The following SCAF11 variants were observed in gnomAD, a reference collection of about 807,000 sequenced individuals.
The protein encoded by SCAF11 is SR-related CTD associated factor 11, also known as protein SCAF11.
A neutral mutation model predicts 140.5 loss-of-function variants in SCAF11; 47 were observed. That is an observed-to-expected ratio of 0.33 (90% CI 0.26 to 0.43). The LOEUF is 0.43. Among genes scored for constraint, SCAF11 ranks in the 20% least tolerant of loss-of-function variants. The pLI is 1.00. For missense variants in SCAF11, 1,645 were observed against 1,705.1 expected (o/e 0.96, Z 0.62); for synonymous variants, 557 against 579.4 (o/e 0.96, Z 0.55).
In SCAF11 at chr12:45,934,465, T is replaced by G; in HGVS notation, c.504A>C (p.Ala168=). 6.3e-7 allele frequency: 1 copy of G among 1,595,542 alleles called. No individual in the cohort carries two copies. The highest frequency in any genetic ancestry group is 1.2e-5 in the South Asian group (1 of 85,990). ...AACAAACCTTATTTATCTTTATTGC[T>G]GCATTTTTCTTTCCTCCTGTTTCAC... The part of the protein sequence containing the change: ...LYSETGGKKN[A]AIKINKPQRS... The change falls in exon 7 of 15, where the codon GCA becomes GCC. Residue 168 remains alanine (A), a synonymous_variant. Transcript: ENST00000369367.
intron 1 of SCAF11, chr12:45,974,086 C>A: frequency 2.4e-6 from 1 of 412,420 alleles, no homozygotes; most frequent in Non-Finnish European, 5.1e-6. Context: ...GCAAGTCACA[C>A]AAAATTTTTG....
At chr12:45,969,917 A>AGACG (rs1946034782) in intron 1 of SCAF11, among the ~76,000 whole-genome samples, 1 of 152,130 alleles carries the variant, frequency 6.6e-6, no homozygotes, top group African/African-American at 2.4e-5. Flanking sequence ...TTTTTTCTTA[A>AGACG]GACGGAGTCT....
At chr12:45,949,679 G>A (rs982231604) in intron 4 of SCAF11, among the ~76,000 whole-genome samples, 1 of 152,120 alleles carries the variant, frequency 6.6e-6, no homozygotes, top group South Asian at 2.1e-4. Context: ...GACTAGGGCT[G>A]TGATTCCATT....
chr12:45,928,893 AAT>A (rs1565662544), intron 10 of SCAF11, 34 bp from the exon 11 acceptor site: 1 of 1,260,284 alleles, frequency 7.9e-7, no homozygotes, highest in East Asian at 2.8e-5. Context: ...AAAAGTAAAA[AAT>A]ATGTTTTAAG....
At chr12:45,960,006 G>A (rs1565681292) in intron 3 of SCAF11, among the ~76,000 whole-genome samples, 1 of 152,058 alleles carries the variant, frequency 6.6e-6, no homozygotes, top group Admixed American at 6.5e-5. Context: ...TATTACATGC[G>A]GGAAAGGTGT....
intron 1 of SCAF11, among the ~76,000 whole-genome samples, chr12:45,969,489 A>G (rs1946025948): frequency 6.6e-6 from 1 of 152,182 alleles, no homozygotes; most frequent in Non-Finnish European, 1.5e-5. Context: ...ATCCTGGTTA[A>G]TACTACAAAC....
Position 45,922,002 on chromosome 12 carries a change from G to A in SCAF11, c.*46C>T. ...TCAGTTAATGGTACATGTTGAAATT[G>A]CACTTTGCAGATATCCTGATAATGT... On this transcript the variant is annotated 3_prime_UTR_variant, in exon 15 of 15. Transcript: ENST00000369367. The A allele has an allele frequency of 6.4e-7, 1 of 1,571,822 alleles. No homozygotes were observed. Among genetic ancestry groups the A allele is most frequent in the Middle Eastern group, 1.7e-4 (1 of 5,836 alleles).
intron 12 of SCAF11, among the ~76,000 whole-genome samples, chr12:45,924,228 G>A (rs775792642): frequency 2.6e-5 from 4 of 152,148 alleles, no homozygotes; most frequent in Non-Finnish European, 5.9e-5. Context: ...GTCTCACAGA[G>A]GCACTTCTCC....
chr12:45,924,272 AAC>A (rs1944789878), intron 12 of SCAF11, among the ~76,000 whole-genome samples: 2 of 152,236 alleles, frequency 1.3e-5, no homozygotes, highest in South Asian at 2.1e-4. Flanking sequence ...ATGAAAATGA[AAC>A]ACAGATGGTA....
intron 5 of SCAF11, 65 bp downstream of exon 5, chr12:45,948,372 C>T: frequency 4.8e-6 from 5 of 1,042,648 alleles, no homozygotes; most frequent in East Asian, 2.4e-5. Flanking sequence ...TTTTTAATAC[C>T]TTTTTTGTAC....
rs1946568585 is a variant in SCAF11 at position 45,990,379 on chromosome 12, C to T, written c.-48G>A. ...TCAGACCGAGGTCGAGGCGCTCGGT[C>T]CGGCCGCGGCCCCACAGTAGGTTCC... On this transcript the variant is annotated 5_prime_UTR_variant, in exon 1 of 15. Transcript: ENST00000369367. 8.1e-7 allele frequency: 1 copy of T among 1,232,166 alleles called. No individual in the cohort carries two copies. The highest frequency in any genetic ancestry group is 1.0e-6 in the Non-Finnish European group (1 of 988,452). The allele number at this position is 1,232,166 out of a possible 1,614,324, so 76.3% of individuals were successfully genotyped here.
intron 1 of SCAF11, among the ~76,000 whole-genome samples, chr12:45,978,909 CAAACA>C (rs983466588): frequency 6.6e-5 from 10 of 152,050 alleles, no homozygotes; most frequent in Middle Eastern, 3.4e-3. Flanking sequence ...AACAAACAAA[CAAACA>C]AAAGACACTT....
At chr12:45,959,174 C>T (rs1407872413) in intron 3 of SCAF11, among the ~76,000 whole-genome samples, 1 of 151,864 alleles carries the variant, frequency 6.6e-6, no homozygotes, top group Admixed American at 6.6e-5. Context: ...GGAGCTGTGG[C>T]ACAAGAATCG....
intron 1 of SCAF11, among the ~76,000 whole-genome samples, chr12:45,986,575 T>TA (rs1946464379): frequency 1.3e-5 from 2 of 152,216 alleles, no homozygotes; most frequent in African/African-American, 4.8e-5. Context: ...AAGAAATTAA[T>TA]ATGGCTTCTA....
chr12:45,967,184 T>C (rs1291489098), intron 1 of SCAF11, among the ~76,000 whole-genome samples: 1 of 151,974 alleles, frequency 6.6e-6, no homozygotes, highest in Non-Finnish European at 1.5e-5. Context: ...GCCCAAGAAG[T>C]TCAAGACCAG....
intron 1 of SCAF11, among the ~76,000 whole-genome samples, chr12:45,969,012 C>T (rs1184577732): frequency 6.6e-6 from 1 of 152,168 alleles, no homozygotes; most frequent in Admixed American, 6.5e-5. Context: ...ACAGGGAATT[C>T]TTCTATCAAG....
chr12:45,953,757 A>G (rs1252257018), intron 3 of SCAF11: 2 of 386,938 alleles, frequency 5.2e-6, no homozygotes, highest in Non-Finnish European at 9.6e-6. Flanking sequence ...TCTTTTTAAT[A>G]AACTCGAGCA....
chr12:45,955,886 G>A, intron 3 of SCAF11: 1 of 388,096 alleles, frequency 2.6e-6, no homozygotes, highest in Non-Finnish European at 4.6e-6. Context: ...AATGGAATTT[G>A]CTCACTGCTT....
intron 12 of SCAF11, among the ~76,000 whole-genome samples, chr12:45,923,807 G>A (rs1365606958): frequency 2.0e-5 from 3 of 151,150 alleles, no homozygotes; most frequent in Non-Finnish European, 1.5e-5. Context: ...CTCAGCCTCC[G>A]AGTAGCTGGG....
Sources: gnomAD v4.1 joint callset for allele counts (sites outside exome capture counted in the v4.1 genomes callset) on GRCh38, gnomAD v4.1.1 for gene constraint, MANE v1.5 for transcripts, NCBI Gene and HGNC (gene_info 2026-07-23, HGNC 2026-07-21) for gene names.